The following HAS3 variants were observed in gnomAD, a reference collection of about 807,000 sequenced individuals.
The protein encoded by HAS3 is hyaluronan synthase 3.
In HAS3, 27 loss-of-function variants were observed where a neutral mutation model predicts 50.3. The ratio of observed to expected loss-of-function variants is 0.54; its 90% CI spans 0.40 to 0.74. HAS3 has a LOEUF of 0.74. Among genes scored for constraint, HAS3 ranks in the 30% least tolerant of loss-of-function variants. HAS3 has a pLI of 0.00. For missense variants in HAS3, 517 were observed against 742.8 expected (o/e 0.70, Z 3.53); for synonymous variants, 339 against 310.9 (o/e 1.09, Z -0.95).
At position 69,114,856 on chromosome 16, in the gene HAS3, C is replaced by G. The variant is rs1461337293; in HGVS notation, c.1252C>G (p.Leu418Val). The G allele has an allele frequency of 1.9e-6, 3 of 1,614,114 alleles. No homozygotes were observed. The highest frequency in any genetic ancestry group is 2.5e-6 in the Non-Finnish European group (3 of 1,180,024). ...NILLFLLTVQ[L>V]VGIIKATYAC... ...TCTCCTCTTCCTGCTGACGGTGCAG[C>G]TGGTGGGCATTATCAAGGCCACCTA... Residue 418 changes from leucine (L) to valine (V), a missense_variant, in exon 4 of 4, where the codon CTG (leucine) becomes GTG (valine). Physicochemically the swap from Leu to Val is conservative, Grantham distance 32. Transcript: ENST00000569188. The surrounding 1 kb of genome is among the most constrained non-coding windows in gnomAD (Gnocchi z 6.4).
chr16:69,090,279 C>T, the HAS3 span, among the ~76,000 whole-genome samples: 1 of 152,168 alleles, frequency 6.6e-6, no homozygotes. Flanking sequence ...TGGCCCTCTG[C>T]CCTCCAGTCT....
At chr16:69,099,354 T>C in the HAS3 span, among the ~76,000 whole-genome samples, 1 of 147,150 alleles carries the variant, frequency 6.8e-6, no homozygotes, top group Non-Finnish European at 1.5e-5. Context: ...TTTTAGATGG[T>C]GTCTTGCTCT....
In HAS3 at chr16:69,116,138, C is replaced by T. The variant is rs143088666; in HGVS notation, c.*872C>T. ...TCTTGGGTATTTTAACCTGTATACT[C>T]TTGAATTCCTCTCAAATTCAGCTCT... On this transcript the variant is annotated 3_prime_UTR_variant, in exon 4 of 4. Transcript: ENST00000569188. 6.4e-4 allele frequency: 629 copies of T among 985,330 alleles called. No homozygotes were observed. The highest frequency in any genetic ancestry group is 7.0e-4 in the African/African-American group (40 of 57,360). 61.0% of individuals were successfully genotyped at this position (985,330 alleles called of 1,614,324 possible).
chr16:69,100,685 C>T (rs1960688118), upstream of HAS3, among the ~76,000 whole-genome samples: 1 of 152,182 alleles, frequency 6.6e-6, no homozygotes, highest in Non-Finnish European at 1.5e-5. Flanking sequence ...GGTTGCTCTG[C>T]AGCTTCCGGC....
downstream of HAS3, chr16:69,118,037 C>G (rs1961281439): frequency 2.6e-6 from 1 of 380,058 alleles, no homozygotes; most frequent in African/African-American, 2.0e-5. Flanking sequence ...ATTAAAGAAA[C>G]AGTAAGAAAA....
chr16:69,084,480 A>G, the HAS3 span: 1 of 152,334 alleles, frequency 6.6e-6, no homozygotes, highest in Non-Finnish European at 1.5e-5. Context: ...ATGAATGCCT[A>G]GACAATGGGT....
chr16:69,113,983 A>G (rs1326482742), intron 3 of HAS3, among the ~76,000 whole-genome samples: 4 of 152,118 alleles, frequency 2.6e-5, no homozygotes, highest in Admixed American at 1.3e-4. Flanking sequence ...CAACTTTCCA[A>G]CCACAGAAAT....
downstream of HAS3, chr16:69,118,257 CAGG>C (rs1380239719): frequency 5.0e-5 from 39 of 782,820 alleles, no homozygotes; most frequent in South Asian, 3.9e-4. Flanking sequence ...CTCTAAGTCC[CAGG>C]AGAAGGGAGC....
At chr16:69,097,242 C>T in the HAS3 span, among the ~76,000 whole-genome samples, 3 of 151,894 alleles carry the variant, frequency 2.0e-5, no homozygotes, top group South Asian at 2.1e-4. Context: ...TTTGGGAGGC[C>T]GAGGCAGGTG....
rs1159625116 is a variant in HAS3, at chr16:69,115,544, G to A, written c.*278G>A. On this transcript the variant is annotated 3_prime_UTR_variant, in exon 4 of 4. Coordinates refer to ENST00000569188, the MANE Select transcript of HAS3 (RefSeq NM_001199280.2). ...TGCACATAGGCAGTAGCCTCCTCCT[G>A]GGCTCCAGAGGGCACTCAGAAGTTG... 2.6e-6 allele frequency: 3 copies of A among 1,145,868 alleles called. No individual in the cohort carries two copies. The East Asian group carries it at 1.3e-4, about 50-fold the overall frequency. The allele number at this position is 1,145,868 out of a possible 1,614,324, so 71.0% of individuals were successfully genotyped here.
chr16:69,109,833 C>A lies in HAS3; in HGVS notation c.438C>A (p.Ala146=), dbSNP rs773716953. 176 of 1,612,874 alleles carry A rather than the reference C, an allele frequency of 1.1e-4. No individual in the cohort carries two copies. The highest frequency in any genetic ancestry group is 6.6e-4 in the Middle Eastern group (4 of 6,082). Reference sequence around the variant, plus strand: ...AGGTGCTGGGCGGCACCGAGCAGGCCGGCTTCTTTGTGTGGCGCAGCAACT... The same window carrying A: ...AGGTGCTGGGCGGCACCGAGCAGGCAGGCTTCTTTGTGTGGCGCAGCAACT... The part of the protein sequence containing the change: ...FHEVLGGTEQ[A]GFFVWRSNFH... Residue 146 remains alanine, a synonymous_variant, in exon 2 of 4, where the codon GCC becomes GCA. Transcript: ENST00000569188. This position sits in a 1 kb window ranked among gnomAD's most constrained non-coding sequence, Gnocchi z 5.3.
rs886087465 is a variant in HAS3, at chr16:69,106,336, C to A, written c.-1+549C>A. Reference sequence around the variant, plus strand: ...GGCACGGTGAGCGCGGGCCGGCCGGCACCCAGGAGGGGAGGGCCGCGCGGG... The same window carrying A: ...GGCACGGTGAGCGCGGGCCGGCCGGAACCCAGGAGGGGAGGGCCGCGCGGG... On this transcript the variant is annotated intron_variant, in intron 1 of 3. Transcript: ENST00000569188. The surrounding 1 kb of genome is among the most constrained non-coding windows in gnomAD (Gnocchi z 5.5). The A allele has an allele frequency of 2.0e-5, 3 of 147,136 alleles. No individual in the cohort carries two copies. Among genetic ancestry groups the A allele is most frequent in the African/African-American group, 7.4e-5 (3 of 40,720 alleles). The allele number at this position is 147,136 out of a possible 1,614,324, so 9.1% of individuals were successfully genotyped here.
rs191704997 is a variant in HAS3 at position 69,107,491 on chromosome 16, C to T, written c.-1+1704C>T. ...GAAAGCGGCACGTGGGTGTGGCCGG[C>T]GCCGCCTTTGCCAAGAGGCGAGGCT... On this transcript the variant is annotated intron_variant, in intron 1 of 3. Coordinates refer to ENST00000569188, the MANE Select transcript of HAS3 (RefSeq NM_001199280.2). This position sits in a 1 kb window ranked among gnomAD's most constrained non-coding sequence, Gnocchi z 5.5. 2.0e-5 allele frequency: 20 copies of T among 985,474 alleles called. No homozygotes were observed. In the East Asian group the frequency reaches 1.2e-3, roughly 62 times the overall value. 61.0% of individuals were successfully genotyped at this position (985,474 alleles called of 1,614,324 possible).
At position 69,117,405 on chromosome 16, in the gene HAS3, T is replaced by C. The variant is rs1442897605; in HGVS notation, c.*2139T>C. ...CCTCGACTGGTTTTTCTAAGTTATTTTGTACATTTTTCAGCAGCAAAACCA... is the reference window on the plus strand; with the variant it reads ...CCTCGACTGGTTTTTCTAAGTTATTCTGTACATTTTTCAGCAGCAAAACCA... On this transcript the variant is annotated 3_prime_UTR_variant, in exon 4 of 4. Coordinates refer to ENST00000569188, the MANE Select transcript of HAS3 (RefSeq NM_001199280.2). 2.0e-6 allele frequency: 2 copies of C among 985,804 alleles called. No homozygotes were observed. The highest frequency in any genetic ancestry group is 1.1e-4 in the East Asian group (1 of 8,812). 61.1% of individuals were successfully genotyped at this position (985,804 alleles called of 1,614,324 possible).
intron 2 of HAS3, among the ~76,000 whole-genome samples, chr16:69,111,429 C>G (rs550022019): frequency 6.6e-6 from 1 of 152,272 alleles, no homozygotes; most frequent in Admixed American, 6.5e-5. Flanking sequence ...TGTTCTCTGA[C>G]CTCCACGCCT....
the HAS3 span, among the ~76,000 whole-genome samples, chr16:69,098,413 ATT>A: frequency 6.8e-6 from 1 of 146,228 alleles, no homozygotes. Context: ...ATTTATCTTC[ATT>A]TTTTTTTTTA....
chr16:69,098,587 A>C, the HAS3 span, among the ~76,000 whole-genome samples: 1 of 151,804 alleles, frequency 6.6e-6, no homozygotes, highest in East Asian at 1.9e-4. Flanking sequence ...TATTAATAGA[A>C]ATTTCAGAGA....
the HAS3 span, among the ~76,000 whole-genome samples, chr16:69,096,467 C>T: frequency 1.9e-4 from 23 of 119,602 alleles, no homozygotes; most frequent in African/African-American, 3.2e-4. Context: ...ATCCGGGAGG[C>T]GGAGGTTGCC....
At chr16:69,092,619 A>AAAAAAG in the HAS3 span, among the ~76,000 whole-genome samples, 4 of 150,168 alleles carry the variant, frequency 2.7e-5, no homozygotes, top group African/African-American at 9.9e-5. Context: ...AAAAAAAAAA[A>AAAAAAG]AGTGATTCCC....
Sources: allele counts gnomAD v4.1 joint callset (sites outside exome capture counted in the v4.1 genomes callset), GRCh38; gene constraint gnomAD v4.1.1; non-coding constraint Gnocchi (gnomAD v3.1); transcripts MANE v1.5; gene names NCBI Gene and HGNC (gene_info 2026-07-23, HGNC 2026-07-21).